The following DLGAP2 variants were observed in gnomAD, a reference collection of about 807,000 sequenced individuals.
The protein encoded by DLGAP2 is DLG associated protein 2.
DLGAP2 carries 26 observed loss-of-function variants against 100.3 expected under a neutral mutation model. That is an observed-to-expected ratio of 0.26 (90% CI 0.19 to 0.36). The LOEUF (loss-of-function observed/expected upper bound fraction) is 0.36, where lower values mean the gene tolerates loss of function less well. Among genes scored for constraint, DLGAP2 ranks in the 10% least tolerant of loss-of-function variants. The pLI is 1.00. For missense variants in DLGAP2, 1,858 were observed against 1,453.2 expected, an observed-to-expected ratio of 1.28 and a Z score of -4.53; for synonymous variants, 886 against 630.1, an observed-to-expected ratio of 1.41 and a Z score of -6.08.
intron 2 of DLGAP2, among the ~76,000 whole-genome samples, chr8:1,140,829 T>C (rs1289266022): frequency 6.6e-6 from 1 of 152,012 alleles, no homozygotes; most frequent in Non-Finnish European, 1.5e-5. Flanking sequence ...AAAAATTAGC[T>C]AGGCGTGGTG....
At position 875,604 on chromosome 8, in the gene DLGAP2, G is replaced by T. The variant is rs1420158092; in HGVS notation, c.19-32308G>T. ...CCTCCCTAGCCCTGCTGAACTGTGA[G>T]TCAATTAAACCTCTTTTCTTTATAA... is the stretch of plus-strand genomic sequence containing the variant. On this transcript the variant is annotated intron_variant, in intron 1 of 14. Coordinates refer to ENST00000637795, the MANE Select transcript of DLGAP2 (RefSeq NM_001346810.2). Among the ~76,000 whole-genome samples the T allele has an allele frequency of 2.0e-5, 3 of 152,188 alleles. 1 individual carries two copies. The East Asian group carries it at 5.8e-4, about 29-fold the overall frequency.
At chr8:1,244,583 G>C (rs1388071133) in intron 2 of DLGAP2, among the ~76,000 whole-genome samples, 1 of 136,012 alleles carries the variant, frequency 7.4e-6, no homozygotes, top group South Asian at 2.6e-4. Context: ...GGGGCAACTG[G>C]ACACCCACAG....
At chr8:1,310,430 C>G (rs1399311368) in intron 3 of DLGAP2, among the ~76,000 whole-genome samples, 1 of 152,124 alleles carries the variant, frequency 6.6e-6, no homozygotes, top group Non-Finnish European at 1.5e-5. Context: ...TAGCTGGAGG[C>G]TGGAATGAAC....
intron 2 of DLGAP2, among the ~76,000 whole-genome samples, chr8:1,176,940 A>T (rs560100012): frequency 3.3e-5 from 5 of 152,204 alleles, no homozygotes; most frequent in African/African-American, 1.2e-4. Context: ...AAGCAGCACA[A>T]TTCTGGGAAC....
chr8:899,068 C>T (rs1798200913), intron 1 of DLGAP2, among the ~76,000 whole-genome samples: 4 of 152,238 alleles, frequency 2.6e-5, no homozygotes, highest in Admixed American at 6.5e-5. Flanking sequence ...TAGATAACAA[C>T]CGTTGACTGA....
chr8:881,348 G>T (rs982182326), intron 1 of DLGAP2, among the ~76,000 whole-genome samples: 48 of 152,114 alleles, frequency 3.2e-4, no homozygotes, highest in African/African-American at 1.1e-3. Flanking sequence ...TTGACTGGTT[G>T]TATCTCTATC....
chr8:890,754 G>A lies in DLGAP2; in HGVS notation c.19-17158G>A, dbSNP rs138649061. ...CCTTGGCAGAGTGTGGCTGGGATCT[G>A]CTTCCTGTGTGTCTCCGGCCTCAGC... On this transcript the variant is annotated intron_variant, in intron 1 of 14. Transcript: ENST00000637795. Among the ~76,000 whole-genome samples, 45 of 152,194 alleles carry A rather than the reference G, an allele frequency of 3.0e-4. 1 individual carries two copies. The highest frequency in any genetic ancestry group is 1.0e-3 in the African/African-American group (42 of 41,534).
intron 1 of DLGAP2, among the ~76,000 whole-genome samples, chr8:903,890 C>T (rs1292482830): frequency 1.3e-5 from 2 of 152,222 alleles, no homozygotes; most frequent in African/African-American, 4.8e-5. Context: ...AACACTTCCC[C>T]AGCTCAGACT....
chr8:860,693 C>T (rs1163877304), intron 1 of DLGAP2, among the ~76,000 whole-genome samples: 1 of 152,294 alleles, frequency 6.6e-6, no homozygotes. Flanking sequence ...AATGTCCTTT[C>T]ATTCACTTTT....
intron 2 of DLGAP2, among the ~76,000 whole-genome samples, chr8:1,051,455 T>G (rs1802709498): frequency 6.6e-6 from 1 of 152,166 alleles, no homozygotes; most frequent in Non-Finnish European, 1.5e-5. Context: ...GTGGGGAGTG[T>G]GCTGTCACTT....
chr8:1,538,564 T>C (rs1801233931), intron 4 of DLGAP2, among the ~76,000 whole-genome samples: 1 of 152,228 alleles, frequency 6.6e-6, no homozygotes, highest in African/African-American at 2.4e-5. Context: ...GGGCGCATTC[T>C]GTGCAGGTAC....
At chr8:1,366,189 T>A (rs1802104445) in intron 3 of DLGAP2, among the ~76,000 whole-genome samples, 1 of 152,256 alleles carries the variant, frequency 6.6e-6, no homozygotes, top group Non-Finnish European at 1.5e-5. Flanking sequence ...ATTTAAACAA[T>A]GAATTCTAAT....
intron 3 of DLGAP2, among the ~76,000 whole-genome samples, chr8:1,470,723 A>C (rs976624768): frequency 2.2e-5 from 3 of 135,564 alleles, no homozygotes; most frequent in African/African-American, 8.6e-5. Context: ...GGCATCACCG[A>C]CCACGGCCTC....
chr8:1,638,177 G>C (rs1369756058), intron 8 of DLGAP2, among the ~76,000 whole-genome samples: 1 of 152,170 alleles, frequency 6.6e-6, no homozygotes, highest in Non-Finnish European at 1.5e-5. Flanking sequence ...CTGTGGCTGA[G>C]TTGTGTTCCC....
At chr8:1,075,103 G>A (rs984086230) in intron 2 of DLGAP2, among the ~76,000 whole-genome samples, 4 of 152,224 alleles carry the variant, frequency 2.6e-5, no homozygotes, top group African/African-American at 7.2e-5. Context: ...TGTGCCAGGT[G>A]AGCCCTCTGG....
chr8:1,332,053 C>A (rs897706247), intron 3 of DLGAP2, among the ~76,000 whole-genome samples: 1 of 152,218 alleles, frequency 6.6e-6, no homozygotes, highest in Non-Finnish European at 1.5e-5. Flanking sequence ...TGTTGGGGTG[C>A]AGCCCTCTGT....
chr8:1,254,504 G>T (rs915682431), intron 2 of DLGAP2, among the ~76,000 whole-genome samples: 2 of 152,114 alleles, frequency 1.3e-5, no homozygotes, highest in Non-Finnish European at 2.9e-5. Context: ...GTTTGGAAGT[G>T]GCTCTCATGA....
At chr8:742,137 G>T (rs770406068) in intron 1 of DLGAP2, among the ~76,000 whole-genome samples, 6 of 152,224 alleles carry the variant, frequency 3.9e-5, no homozygotes, top group Non-Finnish European at 8.8e-5. Context: ...TGGGATGTAT[G>T]GGCTTTTAGT....
intron 6 of DLGAP2, among the ~76,000 whole-genome samples, chr8:1,598,485 A>G (rs866023125): frequency 5.9e-5 from 9 of 152,200 alleles, no homozygotes; most frequent in South Asian, 2.1e-4. Flanking sequence ...CTGTGAATCC[A>G]TCTGATCCTG....
Sources: allele counts gnomAD v4.1 joint callset (sites outside exome capture counted in the v4.1 genomes callset), GRCh38; gene constraint gnomAD v4.1.1; transcripts MANE v1.5; gene names NCBI Gene and HGNC (gene_info 2026-07-23, HGNC 2026-07-21).